Variants in ZNF365 observed in about 807,000 individuals in gnomAD.
The protein encoded by ZNF365 is zinc finger protein 365, also known as protein ZNF365.
In ZNF365, 22 loss-of-function variants were observed where a neutral mutation model predicts 35.0. The ratio of observed to expected loss-of-function variants is 0.63; its 90% CI spans 0.45 to 0.90. The LOEUF (loss-of-function observed/expected upper bound fraction) is 0.90, where lower values mean the gene tolerates loss of function less well. Ranked by LOEUF, ZNF365 falls within the 40% of genes least tolerant of loss-of-function variation. The probability of loss-of-function intolerance (pLI) is 0.00; values close to 1 mark genes in which losing one functional copy is unlikely to be tolerated. For synonymous variants in ZNF365, 188 were observed against 196.2 expected (o/e 0.96, Z 0.35); for missense variants, 448 against 500.3 (o/e 0.90, Z 1.00).
chr10:62,459,107 A>T (rs1340524679), intron 3 of ZNF365, among the ~76,000 whole-genome samples: 1 of 152,232 alleles, frequency 6.6e-6, no homozygotes, highest in Non-Finnish European at 1.5e-5. Flanking sequence ...TAGTATTCAA[A>T]ATATATGGTT....
intron 3 of ZNF365, among the ~76,000 whole-genome samples, chr10:62,415,968 A>G (rs906049537): frequency 1.1e-4 from 16 of 152,116 alleles, no homozygotes; most frequent in African/African-American, 3.6e-4. Context: ...GAGTTAATCT[A>G]TATTTTATTC....
At chr10:62,469,882 C>T (rs1466343365) in intron 4 of ZNF365, among the ~76,000 whole-genome samples, 1 of 152,144 alleles carries the variant, frequency 6.6e-6, no homozygotes, top group Non-Finnish European at 1.5e-5. Context: ...GAAGCCAGAA[C>T]TGGAAATGAT....
intron 2 of ZNF365, among the ~76,000 whole-genome samples, chr10:62,377,916 T>G (rs1470518970): frequency 2.0e-5 from 3 of 152,240 alleles, no homozygotes; most frequent in African/African-American, 7.2e-5. Flanking sequence ...CCTCTGGCAC[T>G]CTTCTATTTT....
At chr10:62,455,530 A>T (rs1239858177) in intron 3 of ZNF365, among the ~76,000 whole-genome samples, 1 of 152,078 alleles carries the variant, frequency 6.6e-6, no homozygotes. Context: ...TGGAGCTGAG[A>T]TATATGTATA....
intron 3 of ZNF365, among the ~76,000 whole-genome samples, chr10:62,391,893 C>T (rs191593264): frequency 5.3e-5 from 8 of 152,342 alleles, no homozygotes; most frequent in Middle Eastern, 6.8e-3. Flanking sequence ...GTTCCCTTTT[C>T]GCCACATCTC....
downstream of ZNF365, among the ~76,000 whole-genome samples, chr10:62,403,319 G>A (rs565334525): frequency 5.9e-5 from 9 of 152,318 alleles, no homozygotes; most frequent in East Asian, 1.5e-3. Context: ...GGAAGAGGAG[G>A]AGGAAGGGTT....
chr10:62,398,673 A>G (rs960816528), intron 3 of ZNF365, 67 bp from the exon 4 acceptor site: 89 of 1,468,510 alleles, frequency 6.1e-5, no homozygotes, highest in Middle Eastern at 1.7e-4. Flanking sequence ...AAGTATAAGA[A>G]ATATTTTAAA....
chr10:62,388,397 G>T lies in ZNF365; in HGVS notation c.745G>T (p.Glu249Ter). Residue 249 changes from glutamate to a stop codon, truncating the protein, a stop_gained and splice_region_variant, in exon 3 of 5, where the codon GAA (glutamate) becomes TAA (stop). Transcript: ENST00000395254. LOFTEE classifies it high-confidence loss of function. ...SEEELLRKEE[E>*]VVTFNHFLEA... is the part of the protein sequence containing the mutation. Reference sequence around the variant, plus strand: ...TGTTCTGACATTTTTGCCTTGCAGAGAAGTTGTCACATTCAACCATTTCCT... The same window carrying T: ...TGTTCTGACATTTTTGCCTTGCAGATAAGTTGTCACATTCAACCATTTCCT... The T allele has an allele frequency of 1.2e-6, 2 of 1,614,092 alleles. No homozygotes were observed. The highest frequency in any genetic ancestry group is 8.5e-7 in the Non-Finnish European group (1 of 1,180,008).
intron 1 of ZNF365, among the ~76,000 whole-genome samples, chr10:62,375,286 A>T (rs571678204): frequency 1.4e-4 from 22 of 152,178 alleles, no homozygotes; most frequent in Non-Finnish European, 2.5e-4. Context: ...TGGTTCACAC[A>T]CTGACCATCC....
chr10:62,401,837 G>A lies in ZNF365; in HGVS notation c.*2048G>A. 4.1e-6 allele frequency: 4 copies of A among 985,494 alleles called. No individual in the cohort carries two copies. The highest frequency in any genetic ancestry group is 4.8e-6 in the Non-Finnish European group (4 of 829,912). The allele number at this position is 985,494 out of a possible 1,614,324, so 61.0% of individuals were successfully genotyped here. On this transcript the variant is annotated 3_prime_UTR_variant, in exon 5 of 5. Coordinates refer to ENST00000395254, the MANE Select transcript of ZNF365 (RefSeq NM_014951.3). ...ACTCTCTTTGACAGTGGTACCCCAT[G>A]ATCTTCAGAAAGTACCATAATGTCA...
rs1840116955 is a variant in ZNF365, at chr10:62,418,591, A to ATAATAAATT, written c.924+30017_924+30025dup. On this transcript the variant is annotated intron_variant, in intron 3 of 4. Coordinates refer to the ZNF365 transcript ENST00000395255. ...TCTAGAAAAAGTCAATTAGATGTTT[A>ATAATAAATT]TAATAAATTTTCGTAATAAAAAAAA... 3.2e-5 allele frequency among the ~76,000 whole-genome samples: 4 copies of ATAATAAATT among 124,870 alleles called. No homozygotes were observed. The South Asian group carries it at 1.2e-3, about 37-fold the overall frequency. 81.9% of individuals were successfully genotyped at this position (124,870 alleles called of 152,430 possible). A position where few individuals can be genotyped will look rare whatever the true frequency, so the allele number is the denominator to read the frequency against.
downstream of ZNF365, among the ~76,000 whole-genome samples, chr10:62,403,310 G>C (rs1018451802): frequency 2.6e-5 from 4 of 152,178 alleles, no homozygotes; most frequent in African/African-American, 9.7e-5. Flanking sequence ...GGCTGAGGAG[G>C]AAGAGGAGGA....
intron 3 of ZNF365, among the ~76,000 whole-genome samples, chr10:62,409,778 A>G (rs1010402434): frequency 2.0e-5 from 3 of 152,148 alleles, no homozygotes; most frequent in Non-Finnish European, 4.4e-5. Flanking sequence ...ATATTCATCC[A>G]TCCAACCAAC....
intron 4 of ZNF365, among the ~76,000 whole-genome samples, chr10:62,463,627 T>C (rs188030651): frequency 8.5e-5 from 13 of 152,224 alleles, no homozygotes; most frequent in Admixed American, 8.5e-4. Flanking sequence ...AGAAGTGTTG[T>C]TACACAGTAA....
At chr10:62,414,771 C>T (rs1051705731) in intron 3 of ZNF365, among the ~76,000 whole-genome samples, 4 of 152,120 alleles carry the variant, frequency 2.6e-5, no homozygotes, top group African/African-American at 7.2e-5. Flanking sequence ...TGGCTATTAT[C>T]GTTTCAAATA....
intron 3 of ZNF365, among the ~76,000 whole-genome samples, chr10:62,416,112 T>C (rs1292983686): frequency 1.3e-5 from 2 of 152,140 alleles, no homozygotes; most frequent in Admixed American, 6.6e-5. Context: ...TTCATTTTGA[T>C]TTCACCTTTG....
Position 62,401,031 on chromosome 10 carries a change from A to AT in ZNF365, c.*1248dup, listed in dbSNP as rs2132430625. 1 of 985,344 alleles carries AT rather than the reference A, an allele frequency of 1.0e-6. No homozygotes were observed. Among genetic ancestry groups the AT allele is most frequent in the Non-Finnish European group, 1.2e-6 (1 of 829,870 alleles). 61.0% of individuals were successfully genotyped at this position (985,344 alleles called of 1,614,324 possible). ...TTCCTCAAGAATGAATTTCCATGTT[A>AT]TTTTTTCCTTAAATTTAGCAATATC... On this transcript the variant is annotated 3_prime_UTR_variant, in exon 5 of 5. Transcript: ENST00000395254.
chr10:62,398,823 T>C, intron 4 of ZNF365, 46 bp downstream of exon 4: 4 of 1,555,360 alleles, frequency 2.6e-6, no homozygotes, highest in Middle Eastern at 3.4e-4. Context: ...ATGTTTGTAT[T>C]GTATGTTTTC....
chr10:62,413,838 C>T (rs1457951549), intron 3 of ZNF365, among the ~76,000 whole-genome samples: 2 of 152,130 alleles, frequency 1.3e-5, no homozygotes, highest in African/African-American at 2.4e-5. Context: ...CTTCACCATC[C>T]TCTATCAAAA....
Sources: gnomAD v4.1 joint callset for allele counts (sites outside exome capture counted in the v4.1 genomes callset) on GRCh38, gnomAD v4.1.1 for gene constraint, MANE v1.5 for transcripts, NCBI Gene and HGNC (gene_info 2026-07-23, HGNC 2026-07-21) for gene names.